The following P2RX1 variants were observed in gnomAD, a reference collection of about 807,000 sequenced individuals.
P2RX1 encodes P2X purinoceptor 1.
A neutral mutation model predicts 50.3 loss-of-function variants in P2RX1; 42 were observed. The ratio of observed to expected loss-of-function variants is 0.83; its 90% CI spans 0.65 to 1.08. P2RX1 has a LOEUF of 1.08. P2RX1 is among the 50% of genes least tolerant of loss of function. The probability of loss-of-function intolerance (pLI) is 0.00; values close to 1 mark genes in which losing one functional copy is unlikely to be tolerated. For missense variants in P2RX1, 449 were observed against 529.0 expected, an observed-to-expected ratio of 0.85 and a Z score of 1.48; for synonymous variants, 199 against 202.6, an observed-to-expected ratio of 0.98 and a Z score of 0.15.
chr17:3,905,845 C>G (rs2056252568), intron 1 of P2RX1, among the ~76,000 whole-genome samples: 2 of 82,360 alleles, frequency 2.4e-5, no homozygotes, highest in South Asian at 1.0e-3. Context: ...AAAATTCTGT[C>G]TCAAAAAAAA....
chr17:3,903,480 C>T lies in P2RX1; in HGVS notation c.605+71G>A. ...CCACGCCAGCAGGAATGGAGGGAGA[C>T]AGAGACAGCTGAGAGCTGCCGGAGC... On this transcript the variant is annotated intron_variant, in intron 6 of 11. Transcript: ENST00000225538. The surrounding 1 kb of genome is among the most constrained non-coding windows in gnomAD (Gnocchi z 4.6). The T allele has an allele frequency of 6.3e-7, 1 of 1,594,280 alleles. No individual in the cohort carries two copies. The highest frequency in any genetic ancestry group is 1.7e-5 in the Admixed American group (1 of 59,788).
chr17:3,911,031 G>C (rs2056353491), intron 1 of P2RX1, among the ~76,000 whole-genome samples: 1 of 152,126 alleles, frequency 6.6e-6, no homozygotes, highest in African/African-American at 2.4e-5. Context: ...CCTCCAGGCT[G>C]GAGTGCACTG....
chr17:3,898,137 AGC>A, intron 10 of P2RX1, 27 bp from the exon 11 acceptor site: 1 of 1,594,278 alleles, frequency 6.3e-7, no homozygotes, highest in Non-Finnish European at 8.6e-7. Context: ...GCACGGAGAC[AGC>A]GTGGGAATCC....
Position 3,897,940 on chromosome 17 carries a change from G to GC in P2RX1, c.1135-62dup, listed in dbSNP as rs1281543301. The GC allele has an allele frequency of 3.1e-6, 5 of 1,604,486 alleles. No individual in the cohort carries two copies. The East Asian group carries it at 6.7e-5, about 21-fold the overall frequency. On this transcript the variant is annotated intron_variant, in intron 11 of 11. Transcript: ENST00000225538. ...CAGTGCTGGGGAAGCAGCTGCCCAC[G>GC]CCCCCCACCCCAACACAGACACAAG...
At position 3,907,290 on chromosome 17, in the gene P2RX1, CGT is replaced by C. The variant is rs147411964; in HGVS notation, c.138-1925_138-1924del. 4.5e-3 allele frequency among the ~76,000 whole-genome samples: 603 copies of C among 134,420 alleles called. 4 individuals carry two copies. Among genetic ancestry groups the C allele is most frequent in the South Asian group, 9.8e-3 (37 of 3,792 alleles). The allele number at this position is 134,420 out of a possible 152,430, so 88.2% of individuals were successfully genotyped here. A position where few individuals can be genotyped will look rare whatever the true frequency, so the allele number is the denominator to read the frequency against. Reference sequence around the variant, plus strand: ...GACTCTTTTTGGAGATTCAGGGTAACGTGTGTGTGTGTGTGTGTGTGTGTGTG... The same window carrying C: ...GACTCTTTTTGGAGATTCAGGGTAACGTGTGTGTGTGTGTGTGTGTGTGTG... On this transcript the variant is annotated intron_variant, in intron 1 of 11. Transcript: ENST00000225538.
intron 2 of P2RX1, 55 bp downstream of exon 2, chr17:3,905,165 A>T: frequency 6.3e-7 from 1 of 1,598,378 alleles, no homozygotes; most frequent in Non-Finnish European, 8.5e-7. Context: ...ACAGAGTCCC[A>T]CCCAACTCTG....
At position 3,903,317 on chromosome 17, in the gene P2RX1, G is replaced by A. The variant is rs1248811412; in HGVS notation, c.632C>T (p.Ala211Val). Residue 211 changes from alanine (A) to valine (V), a missense_variant, in exon 7 of 12, where the codon GCT becomes GTT. Ala to Val is a moderately conservative substitution (Grantham distance 64). Transcript: ENST00000225538. This position sits in a 1 kb window ranked among gnomAD's most constrained non-coding sequence, Gnocchi z 4.6. ...NRRNLVEEVN[A>V]AHMKTCLFHK... Reference sequence around the variant, plus strand: ...AAAGAGGCAGGTCTTCATGTGGGCAGCATTCACCTCCTCCACCAGGTTGCG... The same window carrying A: ...AAAGAGGCAGGTCTTCATGTGGGCAACATTCACCTCCTCCACCAGGTTGCG... 6.2e-7 allele frequency: 1 copy of A among 1,614,038 alleles called. No individual in the cohort carries two copies. Among genetic ancestry groups the A allele is most frequent in the African/African-American group, 1.3e-5 (1 of 74,924 alleles).
intron 7 of P2RX1, 146 bp from the exon 8 acceptor site, chr17:3,899,907 T>C (rs545639068): frequency 1.0e-5 from 10 of 981,116 alleles, no homozygotes; most frequent in Middle Eastern, 3.3e-4. Context: ...TCAAGACCAG[T>C]CTGGTCAACA....
At chr17:3,900,511 G>T (rs549314796) in intron 7 of P2RX1, among the ~76,000 whole-genome samples, 1 of 152,238 alleles carries the variant, frequency 6.6e-6, no homozygotes, top group African/African-American at 2.4e-5. Context: ...AAGATACTGA[G>T]AAACTGTTTT....
Position 3,905,204 on chromosome 17 carries a change from A to T in P2RX1, c.285+16T>A, listed in dbSNP as rs12449599. 6.2e-7 allele frequency: 1 copy of T among 1,610,486 alleles called. No individual in the cohort carries two copies. The highest frequency in any genetic ancestry group is 1.3e-5 in the African/African-American group (1 of 74,964). On this transcript the variant is annotated intron_variant, in intron 2 of 11. Transcript: ENST00000225538. ...CAGGCCCTGTGAGGGGAAGGTGCAA[A>T]CCTGAGCCAGCTCACCTGGGCTGGG... is the stretch of plus-strand genomic sequence containing the variant.
chr17:3,899,930 G>A (rs1345255389), intron 7 of P2RX1, among the ~76,000 whole-genome samples, 169 bp from the exon 8 acceptor site: 3 of 151,976 alleles, frequency 2.0e-5, no homozygotes, highest in Non-Finnish European at 4.4e-5. Flanking sequence ...GTGAAAACCC[G>A]TCTCTACTAA....
intron 4 of P2RX1, 147 bp from the exon 5 acceptor site, chr17:3,904,171 C>T: frequency 9.8e-7 from 1 of 1,020,710 alleles, no homozygotes; most frequent in Non-Finnish European, 1.5e-6. Flanking sequence ...GCAGGCCAAG[C>T]CAGGGCGGAG....
Position 3,903,761 on chromosome 17 carries a change from T to TG in P2RX1, c.525-131dup, listed in dbSNP as rs2056201676. 6 of 1,135,896 alleles carry TG rather than the reference T, an allele frequency of 5.3e-6. No homozygotes were observed. In the African/African-American group the frequency reaches 9.2e-5, roughly 17 times the overall value. The allele number at this position is 1,135,896 out of a possible 1,614,324, so 70.4% of individuals were successfully genotyped here. ...CTGCAGCCCTGGGCTGGTGGAGGGG[T>TG]GGGTGTGCTCTAGCGTGGCCAGGAC... is the stretch of plus-strand genomic sequence containing the variant. On this transcript the variant is annotated intron_variant, in intron 5 of 11. Coordinates refer to ENST00000225538, the MANE Select transcript of P2RX1 (RefSeq NM_002558.4). The surrounding 1 kb of genome is among the most constrained non-coding windows in gnomAD (Gnocchi z 4.6).
chr17:3,905,406 C>G, intron 1 of P2RX1, 39 bp from the exon 2 acceptor site: 1 of 1,611,450 alleles, frequency 6.2e-7, no homozygotes, highest in Non-Finnish European at 8.5e-7. Flanking sequence ...GTGGTTGTGG[C>G]ACCAGCTGGA....
chr17:3,898,029 C>G lies in P2RX1; in HGVS notation c.1114G>C (p.Glu372Gln). 1 of 1,613,702 alleles carries G rather than the reference C, an allele frequency of 6.2e-7. No homozygotes were observed. The highest frequency in any genetic ancestry group is 8.5e-7 in the Non-Finnish European group (1 of 1,179,924). ...YYKQKKFKYA[E>Q]DMGPGAAERD... ...CTTACCGCCCCTGGCCCCATGTCCTCAGCGTATTTGAACTTCTTCTGCTTG... is the reference window on the plus strand; with the variant it reads ...CTTACCGCCCCTGGCCCCATGTCCTGAGCGTATTTGAACTTCTTCTGCTTG... The change falls in exon 11 of 12, where the codon GAG (glutamate) becomes CAG (glutamine). Residue 372 changes from glutamate (E) to glutamine (Q), a missense_variant. Transcript: ENST00000225538.
chr17:3,913,032 C>T (rs1203427475), intron 1 of P2RX1, among the ~76,000 whole-genome samples: 2 of 152,142 alleles, frequency 1.3e-5, no homozygotes, highest in Non-Finnish European at 2.9e-5. Flanking sequence ...AGTGTGTCAC[C>T]TCCTCCAGGA....
chr17:3,900,423 C>T (rs1394111158), intron 7 of P2RX1, among the ~76,000 whole-genome samples: 1 of 152,028 alleles, frequency 6.6e-6, no homozygotes, highest in Admixed American at 6.6e-5. Flanking sequence ...CACTGCACTC[C>T]AGCCTGGGCA....
At position 3,897,788 on chromosome 17, in the gene P2RX1, C is replaced by CGTA; in HGVS notation, c.*25_*26insTAC. 1 of 1,607,708 alleles carries CGTA rather than the reference C, an allele frequency of 6.2e-7. No individual in the cohort carries two copies. Among genetic ancestry groups the CGTA allele is most frequent in the Non-Finnish European group, 8.5e-7 (1 of 1,176,338 alleles). On this transcript the variant is annotated 3_prime_UTR_variant, in exon 12 of 12. Transcript: ENST00000225538. ...CTCCAGGCTGAAGCCTCACGCTGCA[C>CGTA]CCAGTCAGGAGTTGGGGCCCGAGCA...
chr17:3,900,186 C>T (rs1042909674), intron 7 of P2RX1, among the ~76,000 whole-genome samples: 1 of 152,080 alleles, frequency 6.6e-6, no homozygotes, highest in Non-Finnish European at 1.5e-5. Flanking sequence ...GGCGTGGTGG[C>T]TCGCACCTGT....
Sources: gnomAD v4.1 joint callset for allele counts (sites outside exome capture counted in the v4.1 genomes callset) on GRCh38, gnomAD v4.1.1 for gene constraint, Gnocchi (gnomAD v3.1) non-coding constraint, MANE v1.5 for transcripts, NCBI Gene and HGNC (gene_info 2026-07-23, HGNC 2026-07-21) for gene names.